The following B3GLCT variants were observed in gnomAD, a reference collection of about 807,000 sequenced individuals.
B3GLCT encodes the protein beta-1,3-glucosyltransferase.
A neutral mutation model predicts 63.4 loss-of-function variants in B3GLCT; 65 were observed. The observed-to-expected ratio is 1.03, with a 90% CI of 0.84 to 1.26. B3GLCT has a LOEUF of 1.26. Ranked by LOEUF, B3GLCT falls within the 50% of genes most tolerant of loss-of-function variation. The probability of loss-of-function intolerance (pLI) is 0.00; values close to 1 mark genes in which losing one functional copy is unlikely to be tolerated. For synonymous variants in B3GLCT, 233 were observed against 219.2 expected, an observed-to-expected ratio of 1.06 and a Z score of -0.55; for missense variants, 577 against 604.8, an observed-to-expected ratio of 0.95 and a Z score of 0.48.
rs184156760 is a variant in B3GLCT at position 31,234,143 on chromosome 13, G to A, written c.270+4849G>A. On this transcript the variant is annotated intron_variant, in intron 4 of 14. Transcript: ENST00000343307. ...TGCCATTCTCCTGCCTCAGCCTCCCGAGTAGCTGGGACTACAGGCACCCGC... is the reference window on the plus strand; with the variant it reads ...TGCCATTCTCCTGCCTCAGCCTCCCAAGTAGCTGGGACTACAGGCACCCGC... 4.5e-3 allele frequency among the ~76,000 whole-genome samples: 679 copies of A among 151,706 alleles called. 5 individuals are homozygous for A. Among genetic ancestry groups the A allele is most frequent in the African/African-American group, 0.016 (649 of 41,336 alleles).
chr13:31,323,613 C>T, intron 13 of B3GLCT, 138 bp from the exon 14 acceptor site: 2 of 964,664 alleles, frequency 2.1e-6, no homozygotes, highest in Non-Finnish European at 3.3e-6. Context: ...AGGGTTTTAC[C>T]TAGAGCTCAG....
chr13:31,318,146 C>G (rs561501793), intron 13 of B3GLCT, among the ~76,000 whole-genome samples: 10 of 152,226 alleles, frequency 6.6e-5, no homozygotes, highest in African/African-American at 2.4e-4. Context: ...AGTTAAAAAT[C>G]AGTGTTTTAA....
At chr13:31,210,057 G>A (rs373658990) in intron 1 of B3GLCT, among the ~76,000 whole-genome samples, 81 of 152,252 alleles carry the variant, frequency 5.3e-4, no homozygotes, top group African/African-American at 1.8e-3. Context: ...CTTGCACTCC[G>A]GGGCTTAGGC....
At chr13:31,267,702 C>T (rs924653383) in intron 7 of B3GLCT, among the ~76,000 whole-genome samples, 2 of 152,146 alleles carry the variant, frequency 1.3e-5, no homozygotes, top group Admixed American at 1.3e-4. Context: ...CACATTTATC[C>T]TGTGTCTGCT....
chr13:31,288,322 C>T (rs550582158), intron 12 of B3GLCT, among the ~76,000 whole-genome samples: 43 of 152,270 alleles, frequency 2.8e-4, no homozygotes, highest in African/African-American at 9.9e-4. Flanking sequence ...GCTCCACCAC[C>T]ACTACTGCCA....
In B3GLCT at chr13:31,330,174, CAGT is replaced by C. The variant is rs550993882; in HGVS notation, c.*509_*511del. ...TGATGAAAATTATTTCCTGGGAACT[CAGT>C]AGGAATAATACCGTATTAAGGAATA... On this transcript the variant is annotated 3_prime_UTR_variant, in exon 15 of 15. Coordinates refer to ENST00000343307, the MANE Select transcript of B3GLCT (RefSeq NM_194318.4). The C allele has an allele frequency of 1.5e-4, 26 of 175,970 alleles. No individual in the cohort carries two copies. In the East Asian group the frequency reaches 2.6e-3, roughly 17 times the overall value. 10.9% of individuals were successfully genotyped at this position (175,970 alleles called of 1,614,324 possible).
intron 4 of B3GLCT, among the ~76,000 whole-genome samples, chr13:31,240,291 T>C (rs1870864965): frequency 1.3e-5 from 2 of 152,188 alleles, no homozygotes; most frequent in South Asian, 4.1e-4. Flanking sequence ...CTGAACTATG[T>C]AGCTTTTGAA....
intron 2 of B3GLCT, 126 bp from the exon 3 acceptor site, chr13:31,222,826 A>G: frequency 2.8e-6 from 2 of 708,292 alleles, no homozygotes; most frequent in Admixed American, 2.2e-5. Flanking sequence ...AGCGTTTCCA[A>G]GCTCCGTTTT....
chr13:31,232,460 C>G (rs1379884725), intron 4 of B3GLCT, among the ~76,000 whole-genome samples: 3 of 152,104 alleles, frequency 2.0e-5, no homozygotes, highest in Non-Finnish European at 4.4e-5. Flanking sequence ...TAAGCAATCA[C>G]ATCTCTCAAT....
chr13:31,216,050 A>G (rs971564408), intron 2 of B3GLCT, among the ~76,000 whole-genome samples: 1 of 152,228 alleles, frequency 6.6e-6, no homozygotes, highest in African/African-American at 2.4e-5. Flanking sequence ...AAAAGGAAAC[A>G]GTAGTTTAAA....
intron 3 of B3GLCT, among the ~76,000 whole-genome samples, chr13:31,223,367 C>G (rs1464597052): frequency 6.6e-6 from 1 of 152,174 alleles, no homozygotes; most frequent in Non-Finnish European, 1.5e-5. Context: ...ACAGAACAAG[C>G]TGTGACATTA....
chr13:31,284,699 A>G lies in B3GLCT; in HGVS notation c.902A>G (p.Tyr301Cys), dbSNP rs114184584. Residue 301 changes from tyrosine to cysteine, a missense_variant, in exon 11 of 15, where the codon TAT becomes TGT. Transcript: ENST00000343307. ...WESQASLIEY[Y>C]SDYTENSIPT... ...AGCCAGGCAAGTCTCATTGAATACTATAGTGACTATACTGAAAATTCCATT... is the reference window on the plus strand; with the variant it reads ...AGCCAGGCAAGTCTCATTGAATACTGTAGTGACTATACTGAAAATTCCATT... The G allele has an allele frequency of 2.5e-6, 4 of 1,611,920 alleles. No homozygotes were observed. The highest frequency in any genetic ancestry group is 2.2e-5 in the East Asian group (1 of 44,840).
intron 4 of B3GLCT, among the ~76,000 whole-genome samples, chr13:31,238,767 C>T (rs1420124774): frequency 6.6e-6 from 1 of 152,098 alleles, no homozygotes; most frequent in Non-Finnish European, 1.5e-5. Context: ...CATAGCAAGA[C>T]CCCATCTCAA....
At chr13:31,262,983 G>A (rs980189759) in intron 7 of B3GLCT, among the ~76,000 whole-genome samples, 1 of 152,152 alleles carries the variant, frequency 6.6e-6, no homozygotes, top group Non-Finnish European at 1.5e-5. Flanking sequence ...CTTGAGAGAG[G>A]AACAAACACA....
chr13:31,228,494 A>G (rs73172855), intron 3 of B3GLCT, among the ~76,000 whole-genome samples: 34,799 of 152,106 alleles, frequency 0.23, 4,142 homozygotes, highest in Non-Finnish European at 0.25. Flanking sequence ...AGGTGTGGGC[A>G]GGGTTGGTTC....
At chr13:31,237,246 A>C (rs917103661) in intron 4 of B3GLCT, among the ~76,000 whole-genome samples, 3 of 152,186 alleles carry the variant, frequency 2.0e-5, no homozygotes, top group African/African-American at 4.8e-5. Flanking sequence ...AAATAGAGAA[A>C]TAAGATCAAC....
chr13:31,253,130 C>T lies in B3GLCT; in HGVS notation c.459+5164C>T, dbSNP rs142781245. On this transcript the variant is annotated intron_variant, in intron 6 of 14. Coordinates refer to ENST00000343307, the MANE Select transcript of B3GLCT (RefSeq NM_194318.4). ...AATGACTACTGGGTAAATAACGAAA[C>T]GAAAGCAGAAATAAAGATGTCCTTT... Among the ~76,000 whole-genome samples the T allele has an allele frequency of 6.7e-3, 1,015 of 152,106 alleles. 6 individuals are homozygous for T. Among genetic ancestry groups the T allele is most frequent in the Non-Finnish European group, 0.012 (782 of 67,990 alleles).
intron 12 of B3GLCT, among the ~76,000 whole-genome samples, chr13:31,290,983 T>C (rs192793493): frequency 2.0e-5 from 3 of 152,364 alleles, no homozygotes; most frequent in Admixed American, 2.0e-4. Context: ...CTAGACTCTT[T>C]ATGGTTTTAG....
intron 8 of B3GLCT, among the ~76,000 whole-genome samples, chr13:31,269,914 T>A (rs1309297384): frequency 1.3e-5 from 2 of 152,126 alleles, no homozygotes; most frequent in Non-Finnish European, 2.9e-5. Context: ...GAGAAATAAA[T>A]TTGTTATTTA....
Sources: gnomAD v4.1 joint callset for allele counts (sites outside exome capture counted in the v4.1 genomes callset) on GRCh38, gnomAD v4.1.1 for gene constraint, MANE v1.5 for transcripts, NCBI Gene and HGNC (gene_info 2026-07-23, HGNC 2026-07-21) for gene names.